The following ELAPOR2 variants were observed in gnomAD, a reference collection of about 807,000 sequenced individuals.
ELAPOR2 encodes endosome/lysosome-associated apoptosis and autophagy regulator family member 2.
ELAPOR2 carries 89 observed loss-of-function variants against 120.7 expected under a neutral mutation model. The ratio of observed to expected loss-of-function variants is 0.74; its 90% CI spans 0.62 to 0.88. The LOEUF is 0.88. ELAPOR2 is among the 40% of genes least tolerant of loss of function. The pLI is 0.00. For synonymous variants in ELAPOR2, 444 were observed against 444.9 expected (o/e 1.00, Z 0.03); for missense variants, 1,134 against 1,251.6 (o/e 0.91, Z 1.42).
rs768029351 is a variant in ELAPOR2 at position 86,938,921 on chromosome 7, C to G, written c.887G>C (p.Gly296Ala). ...TGAACCTGGTTTGTTGCTGAATGTG[C>G]CTGGCTTGCAAGGAAAACATTCTGA... ...YTSECFPCKP[G>A]TFSNKPGSFN... Residue 296 changes from glycine to alanine, a missense_variant, in exon 7 of 22, where the codon GGC (glycine) becomes GCC (alanine). Transcript: ENST00000450689. 1.9e-6 allele frequency: 3 copies of G among 1,613,204 alleles called. No individual in the cohort carries two copies. Among genetic ancestry groups the G allele is most frequent in the Non-Finnish European group, 2.5e-6 (3 of 1,179,442 alleles).
intron 7 of ELAPOR2, 113 bp from the exon 8 acceptor site, chr7:86,938,327 G>T (rs994522635): frequency 1.4e-6 from 1 of 726,652 alleles, no homozygotes; most frequent in Non-Finnish European, 2.3e-6. Flanking sequence ...ACTTACCAGG[G>T]CAATTTAGGT....
At chr7:86,992,555 G>A (rs1792979097) in intron 1 of ELAPOR2, among the ~76,000 whole-genome samples, 1 of 151,924 alleles carries the variant, frequency 6.6e-6, no homozygotes, top group East Asian at 1.9e-4. Flanking sequence ...ATCTTCAGTC[G>A]AGATCAAATC....
chr7:87,040,264 C>T (rs537325243), intron 1 of ELAPOR2, among the ~76,000 whole-genome samples: 53 of 152,352 alleles, frequency 3.5e-4, no homozygotes, highest in African/African-American at 1.2e-3. Context: ...TGGGTGGAGC[C>T]CACCACAGCT....
At position 86,966,046 on chromosome 7, in the gene ELAPOR2, A is replaced by G. The variant is rs1204544208; in HGVS notation, c.190-1022T>C. On this transcript the variant is annotated intron_variant, in intron 1 of 21. Coordinates refer to ENST00000450689, the MANE Select transcript of ELAPOR2 (RefSeq NM_001142749.3). The stretch of plus-strand genomic sequence containing the variant: ...TAGATAAGCTGAGATTTCCCAAATC[A>G]TCAAGTCTGGGTTCCCGTTTATTTA... 3 of 736,772 alleles carry G rather than the reference A, an allele frequency of 4.1e-6. No individual in the cohort carries two copies. The African/African-American group carries it at 5.7e-5, about 14-fold the overall frequency. 45.6% of individuals were successfully genotyped at this position (736,772 alleles called of 1,614,324 possible).
intron 19 of ELAPOR2, among the ~76,000 whole-genome samples, chr7:86,894,477 T>C (rs1788343362): frequency 6.6e-6 from 1 of 152,002 alleles, no homozygotes; most frequent in Non-Finnish European, 1.5e-5. Flanking sequence ...TTTTATCAAA[T>C]GTGCAATGCC....
chr7:87,012,085 G>A (rs1793701188), intron 1 of ELAPOR2, among the ~76,000 whole-genome samples: 1 of 151,990 alleles, frequency 6.6e-6, no homozygotes, highest in East Asian at 1.9e-4. Context: ...TACACATATA[G>A]CACACTTCAA....
At chr7:86,892,387 TA>T (rs1554377076) in intron 20 of ELAPOR2, among the ~76,000 whole-genome samples, 1 of 152,092 alleles carries the variant, frequency 6.6e-6, no homozygotes, top group Non-Finnish European at 1.5e-5. Flanking sequence ...CACTGAGGTG[TA>T]AATCATTCTA....
chr7:86,907,558 T>C, intron 18 of ELAPOR2, 112 bp downstream of exon 18: 1 of 699,284 alleles, frequency 1.4e-6, no homozygotes, highest in Non-Finnish European at 2.3e-6. Context: ...CCCTACAGAT[T>C]GTTCTGTTTT....
At chr7:87,026,940 C>T (rs1416189572) in intron 1 of ELAPOR2, among the ~76,000 whole-genome samples, 1 of 152,066 alleles carries the variant, frequency 6.6e-6, no homozygotes, top group African/African-American at 2.4e-5. Flanking sequence ...AAAACATTTA[C>T]TTGGATCGTA....
intron 1 of ELAPOR2, among the ~76,000 whole-genome samples, chr7:87,026,507 C>A (rs1794249609): frequency 1.3e-5 from 2 of 151,430 alleles, no homozygotes; most frequent in Admixed American, 6.6e-5. Flanking sequence ...TAGGGAACTG[C>A]TGAACTTTAG....
intron 8 of ELAPOR2, among the ~76,000 whole-genome samples, chr7:86,930,279 A>G (rs1790270146): frequency 1.3e-5 from 2 of 152,022 alleles, no homozygotes; most frequent in African/African-American, 4.8e-5. Flanking sequence ...TGCTTTAAAA[A>G]AAGTGTTAAA....
chr7:86,900,670 C>T (rs1386218191), intron 18 of ELAPOR2, among the ~76,000 whole-genome samples: 1 of 152,104 alleles, frequency 6.6e-6, no homozygotes, highest in Non-Finnish European at 1.5e-5. Flanking sequence ...ACCTTAGAGT[C>T]AATTATTTGA....
Position 87,039,120 on chromosome 7 carries a change from G to T in ELAPOR2, c.189+20205C>A, listed in dbSNP as rs576579602. ...TGCAGAAATGCAAAGGATCATTAGA[G>T]GCTACTATGAGTAACTATACGCCAA... On this transcript the variant is annotated intron_variant, in intron 1 of 21. Coordinates refer to ENST00000450689, the MANE Select transcript of ELAPOR2 (RefSeq NM_001142749.3). Among the ~76,000 whole-genome samples, 3 of 151,872 alleles carry T rather than the reference G, an allele frequency of 2.0e-5. No homozygotes were observed. The South Asian group carries it at 6.3e-4, about 32-fold the overall frequency.
At chr7:87,053,588 G>A (rs577226922) in intron 1 of ELAPOR2, among the ~76,000 whole-genome samples, 1 of 152,136 alleles carries the variant, frequency 6.6e-6, no homozygotes, top group Non-Finnish European at 1.5e-5. Flanking sequence ...CCCTTGGAGA[G>A]AGCACAACTC....
chr7:86,927,086 G>A (rs1435676204), intron 8 of ELAPOR2, among the ~76,000 whole-genome samples, 170 bp from the exon 9 acceptor site: 1 of 151,810 alleles, frequency 6.6e-6, no homozygotes, highest in Non-Finnish European at 1.5e-5. Flanking sequence ...ACATTGGTGG[G>A]GAAATGACTG....
chr7:86,916,955 A>ATTTT (rs58682563), intron 12 of ELAPOR2, among the ~76,000 whole-genome samples: 8 of 86,682 alleles, frequency 9.2e-5, no homozygotes, highest in South Asian at 3.5e-4. Context: ...TGGCCAGCTA[A>ATTTT]TTTTTTTTTT....
intron 8 of ELAPOR2, among the ~76,000 whole-genome samples, chr7:86,927,240 G>A (rs1474777425): frequency 6.6e-6 from 1 of 151,902 alleles, no homozygotes; most frequent in Non-Finnish European, 1.5e-5. Flanking sequence ...TTATTCCATA[G>A]CTGACATAAG....
At chr7:86,881,215 G>A (rs1044365878) in intron 21 of ELAPOR2, among the ~76,000 whole-genome samples, 1 of 151,888 alleles carries the variant, frequency 6.6e-6, no homozygotes, top group African/African-American at 2.4e-5. Flanking sequence ...TTGTATTTTT[G>A]AGACAGGGTC....
Position 86,909,918 on chromosome 7 carries a change from A to G in ELAPOR2, c.2253T>C (p.Asn751=). 1 of 1,613,420 alleles carries G rather than the reference A, an allele frequency of 6.2e-7. No homozygotes were observed. Among genetic ancestry groups the G allele is most frequent in the Non-Finnish European group, 8.5e-7 (1 of 1,179,592 alleles). The change falls in exon 16 of 22, where the codon AAT becomes AAC. Residue 751 remains asparagine, a synonymous_variant. Transcript: ENST00000450689. ...ACTGGCATACAAATGCCCCTACCAA[A>G]TTTGTGTAATCATCTGACCCTGCCA... is the stretch of plus-strand genomic sequence containing the variant. ...EIVAGSDDYT[N]LVGAFVCQST...
Sources: allele counts gnomAD v4.1 joint callset (sites outside exome capture counted in the v4.1 genomes callset), GRCh38; gene constraint gnomAD v4.1.1; transcripts MANE v1.5; gene names NCBI Gene and HGNC (gene_info 2026-07-23, HGNC 2026-07-21).